NEK10: variants seen among roughly 807,000 people sequenced by gnomAD.
NEK10 encodes the protein serine/threonine-protein kinase Nek10.
Under a neutral mutation model 159.8 loss-of-function variants are expected in NEK10, and 122 were observed. The ratio of observed to expected loss-of-function variants is 0.76; its 90% CI spans 0.66 to 0.89. The LOEUF (loss-of-function observed/expected upper bound fraction) is 0.89. Ranked by LOEUF, NEK10 falls within the 40% of genes least tolerant of loss-of-function variation. NEK10 has a pLI of 0.00. For missense variants in NEK10, 1,342 were observed against 1,323.1 expected (o/e 1.01, Z -0.22); for synonymous variants, 466 against 457.1 (o/e 1.02, Z -0.25).
chr3:27,145,781 C>T (rs1388551692), intron 30 of NEK10, among the ~76,000 whole-genome samples: 2 of 152,046 alleles, frequency 1.3e-5, no homozygotes, highest in African/African-American at 4.8e-5. Flanking sequence ...GGTCTAAATG[C>T]TTCTGAACCA....
At chr3:27,285,410 C>T (rs1354251218) in intron 20 of NEK10, among the ~76,000 whole-genome samples, 1 of 151,946 alleles carries the variant, frequency 6.6e-6, no homozygotes, top group Non-Finnish European at 1.5e-5. Context: ...GTTTCATAGT[C>T]TGATAGATTT....
intron 23 of NEK10, among the ~76,000 whole-genome samples, chr3:27,210,025 G>A (rs1950870293): frequency 1.5e-5 from 2 of 136,286 alleles, no homozygotes; most frequent in African/African-American, 5.2e-5. Flanking sequence ...TGACACCTTT[G>A]AAAGTCTGAT....
intron 7 of NEK10, among the ~76,000 whole-genome samples, chr3:27,313,312 T>A (rs1305807041): frequency 6.6e-6 from 1 of 152,080 alleles, no homozygotes; most frequent in Non-Finnish European, 1.5e-5. Flanking sequence ...TTTTATTGTA[T>A]TAATAAATGC....
At chr3:27,129,174 GACTA>G (rs1942324191) in intron 32 of NEK10, among the ~76,000 whole-genome samples, 1 of 152,042 alleles carries the variant, frequency 6.6e-6, no homozygotes, top group Non-Finnish European at 1.5e-5. Context: ...CTGGATTGAA[GACTA>G]ACTTAGGTGA....
At chr3:27,351,984 A>G (rs2048002008) in intron 3 of NEK10, among the ~76,000 whole-genome samples, 1 of 152,028 alleles carries the variant, frequency 6.6e-6, no homozygotes. Flanking sequence ...GCTACTATAA[A>G]AATAGCCAAA....
intron 6 of NEK10, among the ~76,000 whole-genome samples, chr3:27,316,097 G>A (rs1002859352): frequency 1.3e-5 from 2 of 152,184 alleles, no homozygotes; most frequent in African/African-American, 4.8e-5. Flanking sequence ...CACACTGTGG[G>A]AGGACTTAGA....
intron 1 of NEK10, among the ~76,000 whole-genome samples, chr3:27,353,667 A>G (rs1021827204): frequency 6.6e-6 from 1 of 152,186 alleles, no homozygotes; most frequent in Admixed American, 6.5e-5. Context: ...AACAGGTACA[A>G]TATTAACACT....
intron 5 of NEK10, among the ~76,000 whole-genome samples, chr3:27,337,574 A>T (rs1262643666): frequency 6.6e-6 from 1 of 152,206 alleles, no homozygotes; most frequent in Admixed American, 6.5e-5. Flanking sequence ...AGTAACCAAA[A>T]CAGCATGGTA....
chr3:27,364,394 GTGTGTGTGTGTA>G (rs1443046040), intron 1 of NEK10, among the ~76,000 whole-genome samples: 4 of 108,472 alleles, frequency 3.7e-5, no homozygotes, highest in Non-Finnish European at 5.8e-5. Flanking sequence ...GTGTGTGTGT[GTGTGTGTGTGTA>G]TAGTAGAGAC....
chr3:27,121,682 T>C (rs1393552967), intron 32 of NEK10, among the ~76,000 whole-genome samples: 1 of 152,196 alleles, frequency 6.6e-6, no homozygotes, highest in East Asian at 1.9e-4. Context: ...CTCTTTCTTT[T>C]GTAAATTTCC....
At position 27,174,707 on chromosome 3, in the gene NEK10, T is replaced by C; in HGVS notation, c.2632A>G (p.Arg878Gly). 1 of 1,613,476 alleles carries C rather than the reference T, an allele frequency of 6.2e-7. No homozygotes were observed. The highest frequency in any genetic ancestry group is 1.3e-5 in the African/African-American group (1 of 74,948). The change falls in exon 27 of 36, where the codon AGG (arginine) becomes GGG (glycine). Residue 878 changes from arginine (R) to glycine (G), a missense_variant. Transcript: ENST00000691995. The stretch of plus-strand genomic sequence containing the variant: ...TCTGACAGGATTTCGTCACAGGCCC[T>C]GTCTTCGTCTTTACCATAGGAGGCC... ...FQASYGKDEDRACDEILSDDN... is the reference protein window; with the variant it reads ...FQASYGKDEDGACDEILSDDN...
chr3:27,140,578 A>G (rs1401321958), intron 31 of NEK10, among the ~76,000 whole-genome samples: 2 of 152,156 alleles, frequency 1.3e-5, no homozygotes, highest in African/African-American at 4.8e-5. Context: ...GATGGGGGTT[A>G]GTTAAATGAA....
chr3:27,145,830 T>TGG (rs1365639638), intron 30 of NEK10, among the ~76,000 whole-genome samples: 1 of 150,884 alleles, frequency 6.6e-6, no homozygotes, highest in East Asian at 1.9e-4. Flanking sequence ...CCCAAGGCAA[T>TGG]GGCATTTGGA....
At chr3:27,197,878 T>C (rs1043490072) in intron 25 of NEK10, among the ~76,000 whole-genome samples, 8 of 152,110 alleles carry the variant, frequency 5.3e-5, no homozygotes, top group African/African-American at 1.9e-4. Context: ...ACATGTGCCA[T>C]ATTGGTGTGC....
Position 27,145,835 on chromosome 3 carries a change from TTTGGAGG to T in NEK10, c.2870-4260_2870-4254del, listed in dbSNP as rs1308010414. ...AATCCTAATCCCCAAGGCAATGGCATTTGGAGGAAGTGAGCTTGGGAGGTGATTAGGT... is the reference window on the plus strand; with the variant it reads ...AATCCTAATCCCCAAGGCAATGGCATAAGTGAGCTTGGGAGGTGATTAGGT... On this transcript the variant is annotated intron_variant, in intron 30 of 35. Transcript: ENST00000691995. Among the ~76,000 whole-genome samples, 1,121 of 152,026 alleles carry T rather than the reference TTTGGAGG, an allele frequency of 7.4e-3. 5 individuals carry two copies. The highest frequency in any genetic ancestry group is 0.011 in the Non-Finnish European group (762 of 67,958).
At chr3:27,360,423 A>G (rs1407520501) in intron 1 of NEK10, among the ~76,000 whole-genome samples, 1 of 152,252 alleles carries the variant, frequency 6.6e-6, no homozygotes, top group Non-Finnish European at 1.5e-5. Context: ...AAACAAATGT[A>G]TAGGTCACCA....
chr3:27,132,367 CA>C (rs1279460933), intron 31 of NEK10, among the ~76,000 whole-genome samples: 1 of 152,100 alleles, frequency 6.6e-6, no homozygotes, highest in African/African-American at 2.4e-5. Flanking sequence ...AGAACTATGC[CA>C]AACACTGTAG....
chr3:27,129,377 G>T lies in NEK10; in HGVS notation c.3081+2503C>A, dbSNP rs565033250. Among the ~76,000 whole-genome samples the T allele has an allele frequency of 3.4e-3, 519 of 152,170 alleles. 11 individuals carry two copies. The highest frequency in any genetic ancestry group is 0.031 in the Admixed American group (480 of 15,266). ...AAAGGTAGAAATCAAGTGCATTTAC[G>T]GGCTGTCACCACTTACTGCTCCTAT... On this transcript the variant is annotated intron_variant, in intron 32 of 35. Coordinates refer to ENST00000691995, the MANE Select transcript of NEK10 (RefSeq NM_001394966.1).
At chr3:27,112,145 T>A (rs1939661380) in intron 35 of NEK10, among the ~76,000 whole-genome samples, 1 of 152,174 alleles carries the variant, frequency 6.6e-6, no homozygotes, top group South Asian at 2.1e-4. Context: ...GCCTGAGACA[T>A]TCTTCCTAAC....
Sources: gnomAD v4.1 joint callset for allele counts (sites outside exome capture counted in the v4.1 genomes callset) on GRCh38, gnomAD v4.1.1 for gene constraint, MANE v1.5 for transcripts, NCBI Gene and HGNC (gene_info 2026-07-23, HGNC 2026-07-21) for gene names.